GPHN: variants seen among roughly 807,000 people sequenced by gnomAD.
GPHN encodes gephyrin.
A neutral mutation model predicts 95.5 loss-of-function variants in GPHN; 17 were observed. The ratio of observed to expected loss-of-function variants is 0.18; its 90% CI spans 0.12 to 0.27. The LOEUF is 0.27. GPHN is among the 10% of genes least tolerant of loss of function. The pLI, the probability that GPHN is intolerant of heterozygous loss-of-function variation, is 1.00. For missense variants in GPHN, 660 were observed against 978.1 expected, an observed-to-expected ratio of 0.67 and a Z score of 4.34; for synonymous variants, 320 against 322.5, an observed-to-expected ratio of 0.99 and a Z score of 0.08.
At chr14:66,634,644 T>C (rs541325682) in intron 1 of GPHN, among the ~76,000 whole-genome samples, 37 of 152,208 alleles carry the variant, frequency 2.4e-4, no homozygotes, top group African/African-American at 8.7e-4. Flanking sequence ...GTGGCACTGG[T>C]GGGTTGGTCT....
chr14:66,619,383 T>C (rs2063189290), intron 1 of GPHN, among the ~76,000 whole-genome samples: 1 of 152,122 alleles, frequency 6.6e-6, no homozygotes, highest in African/African-American at 2.4e-5. Context: ...ATTTGTTATG[T>C]TTGGTCTTTT....
intron 1 of GPHN, among the ~76,000 whole-genome samples, chr14:66,678,480 TG>T (rs1447418051): frequency 6.6e-6 from 1 of 152,010 alleles, no homozygotes; most frequent in Admixed American, 6.5e-5. Flanking sequence ...GATCACCAGT[TG>T]TTTTTTTTTT....
chr14:66,788,928 C>G (rs952897583), intron 3 of GPHN, among the ~76,000 whole-genome samples: 1 of 152,222 alleles, frequency 6.6e-6, no homozygotes, highest in Non-Finnish European at 1.5e-5. Context: ...ATCCACCCAC[C>G]TCAGCCTCCC....
At chr14:67,314,953 T>C in the GPHN span, among the ~76,000 whole-genome samples, 1 of 151,998 alleles carries the variant, frequency 6.6e-6, no homozygotes, top group Non-Finnish European at 1.5e-5. Flanking sequence ...ACAAAAAATT[T>C]AAAAATTAGC....
At chr14:66,820,126 A>T (rs545705466) in intron 3 of GPHN, among the ~76,000 whole-genome samples, 1 of 152,156 alleles carries the variant, frequency 6.6e-6, no homozygotes, top group Non-Finnish European at 1.5e-5. Context: ...AATCCTTGCT[A>T]TGAAAGATAA....
chr14:67,569,225 C>T, the GPHN span: 27 of 1,603,076 alleles, frequency 1.7e-5, no homozygotes, highest in Non-Finnish European at 2.2e-5. Context: ...CGGTGAGTTC[C>T]AAGTGAGGCT....
At chr14:67,207,899 G>C in the GPHN span, among the ~76,000 whole-genome samples, 2 of 152,176 alleles carry the variant, frequency 1.3e-5, no homozygotes, top group Admixed American at 1.3e-4. Flanking sequence ...TTCTTGTGCT[G>C]ACAATTCACA....
intron 1 of GPHN, among the ~76,000 whole-genome samples, chr14:66,516,619 G>A (rs1255927660): frequency 2.0e-5 from 3 of 152,148 alleles, no homozygotes; most frequent in Admixed American, 1.3e-4. Context: ...AGTACTTCAC[G>A]ATTTCAGGAT....
At chr14:67,607,031 A>G in the GPHN span, among the ~76,000 whole-genome samples, 2 of 152,214 alleles carry the variant, frequency 1.3e-5, no homozygotes, top group Admixed American at 1.3e-4. Flanking sequence ...TTCAAAATAC[A>G]GATTCTTGGG....
At chr14:66,807,783 G>T (rs892800316) in intron 3 of GPHN, among the ~76,000 whole-genome samples, 4 of 152,146 alleles carry the variant, frequency 2.6e-5, no homozygotes, top group Non-Finnish European at 5.9e-5. Flanking sequence ...TTTGTGGAAG[G>T]ACATTTCAGT....
the GPHN span, chr14:67,556,028 T>C: frequency 8.9e-7 from 1 of 1,120,790 alleles, no homozygotes; most frequent in Admixed American, 2.2e-5. Context: ...CGTGGAGCTT[T>C]CTGTGGGAGT....
chr14:67,067,280 A>T (rs1485865909), intron 11 of GPHN, among the ~76,000 whole-genome samples: 1 of 152,120 alleles, frequency 6.6e-6, no homozygotes, highest in Non-Finnish European at 1.5e-5. Flanking sequence ...AACAGCAAAT[A>T]TTGCATAACA....
the GPHN span, among the ~76,000 whole-genome samples, chr14:67,243,642 G>A: frequency 2.0e-5 from 3 of 151,534 alleles, no homozygotes; most frequent in South Asian, 2.1e-4. Context: ...ACAGGTGCCC[G>A]CCACCACGCC....
chr14:67,109,715 A>G (rs2078259929), intron 13 of GPHN, among the ~76,000 whole-genome samples: 1 of 152,194 alleles, frequency 6.6e-6, no homozygotes, highest in South Asian at 2.1e-4. Flanking sequence ...CATTTCTCAA[A>G]CATTAGAACT....
chr14:66,928,253 TG>T (rs2066592241), intron 8 of GPHN, among the ~76,000 whole-genome samples: 1 of 152,206 alleles, frequency 6.6e-6, no homozygotes, highest in South Asian at 2.1e-4. Flanking sequence ...GGTTCAATCT[TG>T]GTAGGTTGTA....
At chr14:66,614,517 C>T (rs1175870204) in intron 1 of GPHN, among the ~76,000 whole-genome samples, 1 of 150,950 alleles carries the variant, frequency 6.6e-6, no homozygotes, top group Non-Finnish European at 1.5e-5. Context: ...TGCTTTTCTA[C>T]ATGCAAAATG....
chr14:67,154,654 A>G (rs2081480731), intron 18 of GPHN, among the ~76,000 whole-genome samples: 1 of 152,118 alleles, frequency 6.6e-6, no homozygotes, highest in African/African-American at 2.4e-5. Flanking sequence ...CCTGTTCTCA[A>G]GAACTTTATA....
chr14:67,586,538 GT>G, the GPHN span: 1 of 694,114 alleles, frequency 1.4e-6, no homozygotes, highest in South Asian at 1.4e-5. Flanking sequence ...CCTCTTCCTT[GT>G]TGTGGGGAAG....
the GPHN span, among the ~76,000 whole-genome samples, chr14:67,212,994 C>G: frequency 6.6e-6 from 1 of 151,588 alleles, no homozygotes; most frequent in African/African-American, 2.4e-5. Context: ...GGACGCTGGA[C>G]CAGCAGCATC....
Sources: gnomAD v4.1 joint callset for allele counts (sites outside exome capture counted in the v4.1 genomes callset) on GRCh38, gnomAD v4.1.1 for gene constraint, MANE v1.5 for transcripts, NCBI Gene and HGNC (gene_info 2026-07-23, HGNC 2026-07-21) for gene names.